RAP1GDS1: variants seen among roughly 807,000 people sequenced by gnomAD.
The protein encoded by RAP1GDS1 is RAP1, GTP-GDP dissociation stimulator 1.
A neutral mutation model predicts 71.1 loss-of-function variants in RAP1GDS1; 35 were observed. That is an observed-to-expected ratio of 0.49 (90% confidence interval 0.38 to 0.65). The LOEUF is 0.65. Among genes scored for constraint, RAP1GDS1 ranks in the 30% least tolerant of loss-of-function variants. RAP1GDS1 has a pLI of 0.00. For synonymous variants in RAP1GDS1, 229 were observed against 243.1 expected, an observed-to-expected ratio of 0.94 and a Z score of 0.54; for missense variants, 663 against 706.1, an observed-to-expected ratio of 0.94 and a Z score of 0.69.
intron 2 of RAP1GDS1, among the ~76,000 whole-genome samples, chr4:98,308,332 T>TGC (rs1560809091): frequency 9.8e-4 from 135 of 137,118 alleles, no homozygotes; most frequent in African/African-American, 3.5e-3. Flanking sequence ...TATATATATA[T>TGC]GCGCCAGGCA....
chr4:98,267,438 C>T (rs1353215484), intron 1 of RAP1GDS1, among the ~76,000 whole-genome samples: 1 of 152,148 alleles, frequency 6.6e-6, no homozygotes, highest in Non-Finnish European at 1.5e-5. Context: ...ATAATCCCAT[C>T]ACCCAGGTAG....
chr4:98,422,586 A>C (rs905128469), intron 12 of RAP1GDS1, among the ~76,000 whole-genome samples: 2 of 152,168 alleles, frequency 1.3e-5, no homozygotes, highest in African/African-American at 4.8e-5. Context: ...ATTATATATG[A>C]GGAGAAAGTT....
intron 6 of RAP1GDS1, among the ~76,000 whole-genome samples, chr4:98,398,627 T>C (rs1744908014): frequency 1.3e-5 from 2 of 151,938 alleles, no homozygotes; most frequent in South Asian, 2.1e-4. Context: ...GGTGTCAAAG[T>C]TGGAAAGGAA....
chr4:98,408,622 C>T (rs931185074), intron 7 of RAP1GDS1, among the ~76,000 whole-genome samples: 2 of 152,060 alleles, frequency 1.3e-5, no homozygotes, highest in Non-Finnish European at 2.9e-5. Context: ...CTAGTCTCAC[C>T]ATGAACATAG....
intron 4 of RAP1GDS1, among the ~76,000 whole-genome samples, chr4:98,378,545 G>T (rs1426676734): frequency 6.6e-6 from 1 of 151,910 alleles, no homozygotes; most frequent in Non-Finnish European, 1.5e-5. Flanking sequence ...TATTATCAAA[G>T]ACATAATAAC....
At chr4:98,372,115 C>CT (rs1346154483) in intron 4 of RAP1GDS1, among the ~76,000 whole-genome samples, 1 of 151,862 alleles carries the variant, frequency 6.6e-6, no homozygotes, top group Non-Finnish European at 1.5e-5. Flanking sequence ...CTTTGTCCGC[C>CT]TTTTTTTGGA....
At chr4:98,312,732 T>TAC (rs1730410828) in intron 2 of RAP1GDS1, among the ~76,000 whole-genome samples, 1 of 151,436 alleles carries the variant, frequency 6.6e-6, no homozygotes, top group Admixed American at 6.6e-5. Flanking sequence ...GATGTATAGA[T>TAC]ATATATATAT....
intron 7 of RAP1GDS1, among the ~76,000 whole-genome samples, chr4:98,412,565 C>T (rs937272721): frequency 6.6e-6 from 1 of 152,120 alleles, no homozygotes; most frequent in African/African-American, 2.4e-5. Context: ...AGTTGACTAG[C>T]ATTTATCTTA....
At chr4:98,323,893 A>G (rs1397739317) in intron 2 of RAP1GDS1, among the ~76,000 whole-genome samples, 1 of 141,232 alleles carries the variant, frequency 7.1e-6, no homozygotes, top group African/African-American at 2.6e-5. Flanking sequence ...CACCACTCCT[A>G]TTCAACATAG....
intron 1 of RAP1GDS1, among the ~76,000 whole-genome samples, chr4:98,282,592 T>G (rs1312555886): frequency 2.1e-5 from 3 of 144,208 alleles, no homozygotes; most frequent in Admixed American, 7.0e-5. Context: ...TTTTTTTTTT[T>G]GAAGGGTTTT....
In RAP1GDS1 at chr4:98,300,402, CT is replaced by C. The variant is rs59924491; in HGVS notation, c.112+6902del. ...AGACTACAGTATAGTGTAGACAGAA[CT>C]TTTTTTTTTTTTTTGAGGCGGAGTC... On this transcript the variant is annotated intron_variant, in intron 2 of 14. Transcript: ENST00000408927. Among the ~76,000 whole-genome samples the C allele has an allele frequency of 3.2e-3, 461 of 144,314 alleles. 2 individuals carry two copies. Among genetic ancestry groups the C allele is most frequent in the Middle Eastern group, 7.2e-3 (2 of 278 alleles). 94.7% of individuals were successfully genotyped at this position (144,314 alleles called of 152,430 possible). A position where few individuals can be genotyped will look rare whatever the true frequency, so the allele number is the denominator to read the frequency against.
At chr4:98,317,765 T>G (rs1488217198) in intron 2 of RAP1GDS1, among the ~76,000 whole-genome samples, 1 of 151,986 alleles carries the variant, frequency 6.6e-6, no homozygotes, top group Non-Finnish European at 1.5e-5. Flanking sequence ...CCTAGTGGTG[T>G]TAACAGACGC....
At chr4:98,432,482 A>G (rs1750563227) in intron 12 of RAP1GDS1, among the ~76,000 whole-genome samples, 1 of 152,204 alleles carries the variant, frequency 6.6e-6, no homozygotes, top group Non-Finnish European at 1.5e-5. Context: ...AGCTTTCTAA[A>G]ACAGATTGAT....
chr4:98,363,448 T>C (rs891900234), intron 4 of RAP1GDS1, among the ~76,000 whole-genome samples: 1 of 116,092 alleles, frequency 8.6e-6, no homozygotes. Context: ...ACCACAGCAC[T>C]CCAGCCTAAA....
At chr4:98,293,597 C>T (rs1200574591) in intron 2 of RAP1GDS1, 82 bp downstream of exon 2, 8 of 937,472 alleles carry the variant, frequency 8.5e-6, no homozygotes, top group African/African-American at 1.7e-5. Context: ...TAGTTAAGCA[C>T]ATAACTTTGT....
At chr4:98,335,140 C>G (rs1250683621) in intron 2 of RAP1GDS1, among the ~76,000 whole-genome samples, 1 of 152,134 alleles carries the variant, frequency 6.6e-6, no homozygotes, top group Non-Finnish European at 1.5e-5. Context: ...TTTGAGAATT[C>G]CATTCCTTTT....
intron 1 of RAP1GDS1, among the ~76,000 whole-genome samples, chr4:98,281,387 G>A (rs1357020586): frequency 2.0e-5 from 3 of 151,682 alleles, no homozygotes; most frequent in East Asian, 3.9e-4. Flanking sequence ...GTGAATGGGA[G>A]TTCACTCATG....
intron 2 of RAP1GDS1, among the ~76,000 whole-genome samples, chr4:98,323,712 A>G (rs1732399965): frequency 6.8e-6 from 1 of 147,468 alleles, no homozygotes; most frequent in South Asian, 2.2e-4. Flanking sequence ...GCCTTTGACA[A>G]AATTCAACAA....
chr4:98,269,877 A>C (rs1295027051), intron 1 of RAP1GDS1, among the ~76,000 whole-genome samples: 1 of 152,208 alleles, frequency 6.6e-6, no homozygotes, highest in African/African-American at 2.4e-5. Flanking sequence ...CTCAATCTGT[A>C]TTTACCTAGA....
Sources: gnomAD v4.1 joint callset for allele counts (sites outside exome capture counted in the v4.1 genomes callset) on GRCh38, gnomAD v4.1.1 for gene constraint, MANE v1.5 for transcripts, NCBI Gene and HGNC (gene_info 2026-07-23, HGNC 2026-07-21) for gene names.